LUZP1: variants seen among roughly 807,000 people sequenced by gnomAD.
LUZP1 encodes leucine zipper protein 1.
In LUZP1, 25 loss-of-function variants were observed where a neutral mutation model predicts 71.3. That is an observed-to-expected ratio of 0.35 (90% confidence interval 0.26 to 0.49). The LOEUF (loss-of-function observed/expected upper bound fraction) is 0.49, where lower values mean the gene tolerates loss of function less well. LUZP1 is among the 20% of genes least tolerant of loss of function. LUZP1 has a pLI of 0.99. For missense variants in LUZP1, 1,142 were observed against 1,300.8 expected (o/e 0.88, Z 1.88); for synonymous variants, 481 against 506.4 (o/e 0.95, Z 0.67).
At chr1:23,091,453 G>T in exon 4 of LUZP1, 1 of 1,614,166 alleles carries the variant, frequency 6.2e-7, no homozygotes. Context: ...ATTCGAGTTG[G>T]GGGGTCTTCT....
chr1:23,113,591 T>C (rs1191510628), intron 2 of LUZP1, among the ~76,000 whole-genome samples: 1 of 148,956 alleles, frequency 6.7e-6, no homozygotes, highest in African/African-American at 2.5e-5. Flanking sequence ...TAAAAGAAAA[T>C]ATGCTCAAGG....
At chr1:23,155,537 GAA>G (rs1321193269) in intron 2 of LUZP1, among the ~76,000 whole-genome samples, 1 of 152,206 alleles carries the variant, frequency 6.6e-6, no homozygotes, top group Non-Finnish European at 1.5e-5. Context: ...ATGGGTTGCT[GAA>G]AAGAGATTAA....
intron 2 of LUZP1, among the ~76,000 whole-genome samples, chr1:23,134,331 A>G (rs1644237174): frequency 1.3e-5 from 2 of 151,578 alleles, no homozygotes; most frequent in South Asian, 2.1e-4. Context: ...AAATTTTAAA[A>G]ATTAGCCGGG....
intron 2 of LUZP1, among the ~76,000 whole-genome samples, chr1:23,125,734 A>G (rs1644167143): frequency 6.6e-6 from 1 of 152,210 alleles, no homozygotes; most frequent in South Asian, 2.1e-4. Flanking sequence ...AGGACACAGT[A>G]TATCAGAGAT....
chr1:23,173,405 A>T (rs1644564851), intron 1 of LUZP1, among the ~76,000 whole-genome samples: 1 of 131,626 alleles, frequency 7.6e-6, no homozygotes, highest in Admixed American at 8.4e-5. Flanking sequence ...CCCAGGCTAA[A>T]GTGCAGTGGC....
At chr1:23,171,100 AT>A (rs11342667) in intron 1 of LUZP1, among the ~76,000 whole-genome samples, 8,407 of 133,076 alleles carry the variant, frequency 0.063, 722 homozygotes, top group African/African-American at 0.21. Context: ...AAAAAAAAAA[AT>A]ATATATATAT....
At chr1:23,171,033 T>C (rs1644549314) in intron 1 of LUZP1, among the ~76,000 whole-genome samples, 1 of 150,274 alleles carries the variant, frequency 6.7e-6, no homozygotes, top group Admixed American at 6.7e-5. Context: ...GAGGCTGCAA[T>C]AAGCCATGAT....
intron 2 of LUZP1, chr1:23,140,215 C>T (rs923272682): frequency 3.3e-5 from 5 of 152,084 alleles, no homozygotes; most frequent in Admixed American, 2.6e-4. Flanking sequence ...CCTATCCAGA[C>T]TCTCTGCTGT....
intron 1 of LUZP1, among the ~76,000 whole-genome samples, chr1:23,172,315 T>C (rs373516071): frequency 6.6e-6 from 1 of 152,166 alleles, no homozygotes; most frequent in African/African-American, 2.4e-5. Flanking sequence ...CCTGTAGTTA[T>C]AGTTTGTAAT....
At chr1:23,107,399 T>C (rs1016533836) in intron 3 of LUZP1, among the ~76,000 whole-genome samples, 1 of 152,244 alleles carries the variant, frequency 6.6e-6, no homozygotes, top group African/African-American at 2.4e-5. Flanking sequence ...TTTTTCTATT[T>C]TGTTTAATGC....
intron 2 of LUZP1, among the ~76,000 whole-genome samples, chr1:23,162,462 G>A (rs1387514299): frequency 6.8e-5 from 10 of 147,412 alleles, no homozygotes; most frequent in Non-Finnish European, 1.3e-4. Context: ...TTTTTGAGAC[G>A]GAGTCTCGCT....
At chr1:23,142,698 TATACACACACACACAC>T (rs1446071633) in intron 2 of LUZP1, among the ~76,000 whole-genome samples, 110 of 101,482 alleles carry the variant, frequency 1.1e-3, no homozygotes, top group African/African-American at 3.6e-3. Flanking sequence ...TATATATATA[TATACACACACACACAC>T]ACACACACAC....
chr1:23,093,089 C>T lies in LUZP1; in HGVS notation c.1173G>A (p.Arg391=). The stretch of plus-strand genomic sequence containing the variant: ...CCCGCTTATGCTGAGGAGACAGTTC[C>T]CGCGCTGTGTGCTTGGACACAGAAG... The change falls in exon 4 of 5, where the codon CGG becomes CGA. Residue 391 remains arginine, a synonymous_variant. Transcript: ENST00000302291. The surrounding 1 kb of genome is among the most constrained non-coding windows in gnomAD (Gnocchi z 4.2). 2 of 1,614,134 alleles carry T rather than the reference C, an allele frequency of 1.2e-6. No individual in the cohort carries two copies. Among genetic ancestry groups the T allele is most frequent in the Non-Finnish European group, 1.7e-6 (2 of 1,180,006 alleles).
chr1:23,117,519 CGG>C (rs71575742), intron 2 of LUZP1, among the ~76,000 whole-genome samples: 7 of 31,022 alleles, frequency 2.3e-4, no homozygotes, highest in Non-Finnish European at 3.4e-4. Flanking sequence ...GGGGGGGGGG[CGG>C]GGGGGGGGAA....
At position 23,092,660 on chromosome 1, in the gene LUZP1, GGA is replaced by G; in HGVS notation, c.1600_1601del (p.Ser534LeufsTer2). 6.2e-7 allele frequency: 1 copy of G among 1,614,194 alleles called. No individual in the cohort carries two copies. Among genetic ancestry groups the G allele is most frequent in the Non-Finnish European group, 8.5e-7 (1 of 1,180,032 alleles). On this transcript the variant is annotated frameshift_variant, in exon 4 of 5. Transcript: ENST00000302291. LOFTEE classifies it high-confidence loss of function. ...CCCTCTTGCCAAAGACAGTCTCAGA[GGA>G]GGTGTCAGAAGCCTTGTCAGCTCTA...
At chr1:23,092,523 T>G in exon 4 of LUZP1, 1 of 1,614,194 alleles carries the variant, frequency 6.2e-7, no homozygotes, top group East Asian at 2.2e-5. Flanking sequence ...CTTTTTGCCT[T>G]TAGAGAGCCC....
chr1:23,114,963 C>T (rs1304313316), intron 2 of LUZP1, among the ~76,000 whole-genome samples: 1 of 152,200 alleles, frequency 6.6e-6, no homozygotes, highest in African/African-American at 2.4e-5. Flanking sequence ...CTTAACCATG[C>T]TATCTCCATT....
intron 2 of LUZP1, among the ~76,000 whole-genome samples, chr1:23,165,757 G>A (rs867122093): frequency 3.3e-5 from 5 of 152,152 alleles, no homozygotes; most frequent in African/African-American, 4.8e-5. Flanking sequence ...TGGACTATCC[G>A]GGTCCTACCT....
intron 2 of LUZP1, among the ~76,000 whole-genome samples, chr1:23,126,346 C>G (rs1272321704): frequency 5.3e-5 from 8 of 152,122 alleles, no homozygotes. Context: ...AGGCCGGGTG[C>G]AGAGGTCATG....
Sources: gnomAD v4.1 joint callset for allele counts (sites outside exome capture counted in the v4.1 genomes callset) on GRCh38, gnomAD v4.1.1 for gene constraint, Gnocchi (gnomAD v3.1) non-coding constraint, MANE v1.5 for transcripts, NCBI Gene and HGNC (gene_info 2026-07-23, HGNC 2026-07-21) for gene names.